The following ZNF385D variants were observed in gnomAD, a reference collection of about 807,000 sequenced individuals.
ZNF385D encodes zinc finger protein 385D.
In ZNF385D, 15 loss-of-function variants were observed where a neutral mutation model predicts 35.8. The observed-to-expected ratio is 0.42, with a 90% confidence interval of 0.28 to 0.64. The LOEUF is 0.64. Ranked by LOEUF, ZNF385D falls within the 30% of genes least tolerant of loss-of-function variation. The pLI is 0.23. For missense variants in ZNF385D, 474 were observed against 494.6 expected (o/e 0.96, Z 0.39); for synonymous variants, 212 against 186.8 (o/e 1.13, Z -1.10).
At chr3:22,099,103 T>C (rs1008628134) in intron 3 of ZNF385D, among the ~76,000 whole-genome samples, 2 of 152,106 alleles carry the variant, frequency 1.3e-5, no homozygotes, top group Non-Finnish European at 2.9e-5. Context: ...AAATAAAATA[T>C]GGTATTCTTA....
chr3:21,589,074 C>T (rs781255005), intron 2 of ZNF385D, among the ~76,000 whole-genome samples: 6 of 152,052 alleles, frequency 3.9e-5, no homozygotes, highest in Non-Finnish European at 7.4e-5. Flanking sequence ...GACAAGTATA[C>T]ACAAATTCAA....
chr3:21,924,082 G>T (rs1700607372), intron 3 of ZNF385D, among the ~76,000 whole-genome samples: 1 of 152,080 alleles, frequency 6.6e-6, no homozygotes, highest in Non-Finnish European at 1.5e-5. Flanking sequence ...TAATCAATGA[G>T]ATAATAAAAT....
intron 2 of ZNF385D, among the ~76,000 whole-genome samples, chr3:22,299,027 G>T (rs895603488): frequency 3.0e-4 from 46 of 151,936 alleles, no homozygotes; most frequent in African/African-American, 1.0e-3. Context: ...ATATCACAGA[G>T]TAGTTTTTAA....
intron 3 of ZNF385D, among the ~76,000 whole-genome samples, chr3:21,819,767 T>C (rs1162861303): frequency 8.8e-6 from 1 of 113,192 alleles, no homozygotes; most frequent in African/African-American, 3.3e-5. Context: ...TAATTATATA[T>C]AATTAATACA....
At chr3:21,955,922 AG>A (rs1462241771) in intron 3 of ZNF385D, among the ~76,000 whole-genome samples, 1 of 152,122 alleles carries the variant, frequency 6.6e-6, no homozygotes, top group African/African-American at 2.4e-5. Flanking sequence ...ATAATGGATC[AG>A]GTCTGAAATC....
chr3:21,888,465 C>G (rs925974971), intron 3 of ZNF385D, among the ~76,000 whole-genome samples: 1 of 152,072 alleles, frequency 6.6e-6, no homozygotes, highest in Non-Finnish European at 1.5e-5. Context: ...TCAGGGATTT[C>G]TCGTGGTTCC....
chr3:21,988,427 C>T (rs1201285634), intron 3 of ZNF385D, among the ~76,000 whole-genome samples: 9 of 130,802 alleles, frequency 6.9e-5, no homozygotes, highest in Admixed American at 2.2e-4. Context: ...AATACCCTGC[C>T]GTGTGAGGTG....
At chr3:22,215,242 T>G (rs1697795129) in intron 2 of ZNF385D, among the ~76,000 whole-genome samples, 1 of 151,938 alleles carries the variant, frequency 6.6e-6, no homozygotes, top group Non-Finnish European at 1.5e-5. Context: ...CTGGGCACCT[T>G]GAAAAAAGAG....
At chr3:21,963,428 T>G (rs1702708416) in intron 3 of ZNF385D, among the ~76,000 whole-genome samples, 1 of 152,074 alleles carries the variant, frequency 6.6e-6, no homozygotes, top group Non-Finnish European at 1.5e-5. Context: ...GGGGAAAGAG[T>G]TCGCATCTTA....
intron 1 of ZNF385D, among the ~76,000 whole-genome samples, chr3:21,692,662 C>T (rs1270772995): frequency 6.6e-6 from 1 of 152,200 alleles, no homozygotes; most frequent in Non-Finnish European, 1.5e-5. Context: ...GCCACAAGCA[C>T]GCAGAACACC....
At chr3:21,901,037 G>A (rs1334287469) in intron 3 of ZNF385D, among the ~76,000 whole-genome samples, 1 of 152,204 alleles carries the variant, frequency 6.6e-6, no homozygotes, top group Non-Finnish European at 1.5e-5. Context: ...GCCCTTGGAT[G>A]ATGATAATAA....
At chr3:21,826,821 TA>T (rs55642872) in intron 3 of ZNF385D, among the ~76,000 whole-genome samples, 106,760 of 138,606 alleles carry the variant, frequency 0.77, 40,976 homozygotes, top group African/African-American at 0.83. Flanking sequence ...ATCAGAAAAT[TA>T]AAAAAAAAAA....
intron 3 of ZNF385D, among the ~76,000 whole-genome samples, chr3:21,757,225 G>C (rs12715019): frequency 0.29 from 43,554 of 147,864 alleles, 6,672 homozygotes; most frequent in Middle Eastern, 0.45. Context: ...TCTGCCTCCT[G>C]GGTTCAAGCG....
At chr3:21,638,194 T>G (rs183447462) in intron 2 of ZNF385D, among the ~76,000 whole-genome samples, 4 of 152,152 alleles carry the variant, frequency 2.6e-5, no homozygotes, top group Admixed American at 2.0e-4. Context: ...CAAAAATTAG[T>G]ATGCAATATA....
At position 22,050,019 on chromosome 3, in the gene ZNF385D, T is replaced by C. The variant is rs527768712; in HGVS notation, c.325+118798A>G. Among the ~76,000 whole-genome samples the C allele has an allele frequency of 2.6e-5, 4 of 152,262 alleles. No individual in the cohort carries two copies. The East Asian group carries it at 7.7e-4, about 29-fold the overall frequency. ...GGATAATGCTAGTATCATCGTAATG[T>C]TTCCTCTTTAATTTTTTGGAGCAGT... On this transcript the variant is annotated intron_variant, in intron 3 of 5. Coordinates refer to the ZNF385D transcript ENST00000494108.
chr3:21,876,393 C>A (rs971242139), intron 3 of ZNF385D, among the ~76,000 whole-genome samples: 9 of 151,072 alleles, frequency 6.0e-5, no homozygotes, highest in Non-Finnish European at 1.2e-4. Flanking sequence ...TAGAGAGCCA[C>A]TGACTGCCTG....
At chr3:22,078,940 C>A (rs1259045532) in intron 3 of ZNF385D, among the ~76,000 whole-genome samples, 3 of 151,834 alleles carry the variant, frequency 2.0e-5, no homozygotes, top group Non-Finnish European at 1.5e-5. Flanking sequence ...TGGAAATTGA[C>A]CTATTTTTCT....
intron 2 of ZNF385D, among the ~76,000 whole-genome samples, chr3:22,325,087 A>T (rs951713267): frequency 6.6e-6 from 1 of 152,248 alleles, no homozygotes; most frequent in South Asian, 2.1e-4. Context: ...TGCACGCCAC[A>T]GAGTGCTATA....
At position 21,773,279 on chromosome 3, in the gene ZNF385D, C is replaced by G. The variant is rs147091130; in HGVS notation, c.326-108251G>C. Among the ~76,000 whole-genome samples the G allele has an allele frequency of 3.6e-3, 540 of 151,902 alleles. 6 individuals are homozygous for G. The highest frequency in any genetic ancestry group is 0.012 in the African/African-American group (505 of 41,472). On this transcript the variant is annotated intron_variant, in intron 3 of 5. Coordinates refer to the ZNF385D transcript ENST00000494108. ...AATAAAAGATATTTACCATTTTGTGCTTTTATACCTGGAAAGTTCAAGCCT... is the reference window on the plus strand; with the variant it reads ...AATAAAAGATATTTACCATTTTGTGGTTTTATACCTGGAAAGTTCAAGCCT...
Sources: allele counts gnomAD v4.1 joint callset (sites outside exome capture counted in the v4.1 genomes callset), GRCh38; gene constraint gnomAD v4.1.1; transcripts MANE v1.5; gene names NCBI Gene and HGNC (gene_info 2026-07-23, HGNC 2026-07-21).